Variants in TLK2 observed in about 807,000 individuals in gnomAD.
The protein encoded by TLK2 is serine/threonine-protein kinase tousled-like 2.
Under a neutral mutation model 117.3 loss-of-function variants are expected in TLK2, and 6 were observed. The ratio of observed to expected loss-of-function variants is 0.05; its 90% confidence interval spans 0.03 to 0.10. TLK2 has a LOEUF of 0.10. Ranked by LOEUF, TLK2 falls within the 10% of genes least tolerant of loss-of-function variation. The probability of loss-of-function intolerance (pLI) is 1.00; values close to 1 mark genes in which losing one functional copy is unlikely to be tolerated. For synonymous variants in TLK2, 257 were observed against 316.7 expected (o/e 0.81, Z 2.00); for missense variants, 299 against 901.2 (o/e 0.33, Z 8.56).
rs747837635 is a variant in TLK2, at chr17:62,565,117, T to C, written c.948T>C (p.Tyr316=). ...TTACTGAACAGTGGACAGATGGTTA[T>C]GCTTTTCAGAATCTTATCAAGTAAG... is the stretch of plus-strand genomic sequence containing the variant. ...ASFTEQWTDG[Y]AFQNLIKQQE... The change falls in exon 11 of 22, where the codon TAT becomes TAC. Residue 316 remains tyrosine (Y), a synonymous_variant. Coordinates refer to ENST00000346027, the MANE Select transcript of TLK2 (RefSeq NM_006852.6). 1 of 1,609,320 alleles carries C rather than the reference T, an allele frequency of 6.2e-7. No homozygotes were observed. Among genetic ancestry groups the C allele is most frequent in the South Asian group, 1.1e-5 (1 of 89,558 alleles).
intron 6 of TLK2, among the ~76,000 whole-genome samples, chr17:62,528,899 G>A (rs970731965): frequency 2.0e-5 from 3 of 152,126 alleles, no homozygotes; most frequent in Non-Finnish European, 4.4e-5. Flanking sequence ...TCCAGCAGCT[G>A]GAAACCTACA....
intron 16 of TLK2, among the ~76,000 whole-genome samples, chr17:62,590,825 C>T (rs912242867): frequency 1.3e-5 from 2 of 152,226 alleles, no homozygotes; most frequent in African/African-American, 4.8e-5. Flanking sequence ...ATTTTTCAGT[C>T]AGTTTTGTAA....
chr17:62,596,945 G>A (rs973071991), intron 17 of TLK2, among the ~76,000 whole-genome samples: 1 of 152,206 alleles, frequency 6.6e-6, no homozygotes, highest in African/African-American at 2.4e-5. Context: ...TTTCCGTGGT[G>A]TAGATATTCC....
chr17:62,522,400 G>C (rs1204130212), intron 4 of TLK2, 127 bp downstream of exon 4: 1 of 1,046,428 alleles, frequency 9.6e-7, no homozygotes, highest in Non-Finnish European at 1.4e-6. Context: ...GTATCTTAAG[G>C]GAATATCAGA....
chr17:62,494,330 G>A lies in TLK2; in HGVS notation c.81+13124G>A, dbSNP rs1482944369. Among the ~76,000 whole-genome samples the A allele has an allele frequency of 5.3e-5, 8 of 152,224 alleles. No homozygotes were observed. The East Asian group carries it at 1.4e-3, about 26-fold the overall frequency. On this transcript the variant is annotated intron_variant, in intron 2 of 21. Transcript: ENST00000346027. ...ACTCTTGACCTCAAGTGATCCACCC[G>A]CCTTGGCCTCCGAAAGTGCTGGGAT...
intron 2 of TLK2, among the ~76,000 whole-genome samples, chr17:62,514,176 C>T (rs2075378112): frequency 6.6e-6 from 1 of 151,452 alleles, no homozygotes; most frequent in African/African-American, 2.4e-5. Flanking sequence ...TGGAGTCTCG[C>T]TCTATTGCCC....
intron 11 of TLK2, among the ~76,000 whole-genome samples, chr17:62,569,525 C>A (rs149637140): frequency 0.026 from 3,837 of 148,634 alleles, 82 homozygotes; most frequent in South Asian, 0.057. Context: ...AACCCCTGCC[C>A]CCTGGGTTCA....
At chr17:62,571,188 G>T (rs954528822) in intron 11 of TLK2, among the ~76,000 whole-genome samples, 2 of 152,114 alleles carry the variant, frequency 1.3e-5, no homozygotes, top group Non-Finnish European at 2.9e-5. Flanking sequence ...CCCTTGTGGG[G>T]AATTGGTTCC....
chr17:62,574,306 C>A, intron 12 of TLK2: 10 of 1,534,750 alleles, frequency 6.5e-6, no homozygotes, highest in Non-Finnish European at 8.7e-6. Context: ...CCTTGATGTT[C>A]GTTTAGTAAG....
At chr17:62,562,047 C>A (rs554574894) in intron 10 of TLK2, among the ~76,000 whole-genome samples, 1 of 152,232 alleles carries the variant, frequency 6.6e-6, no homozygotes, top group East Asian at 1.9e-4. Context: ...GTATCTGCTA[C>A]ACCGTGATGC....
chr17:62,515,067 T>A (rs2145367245), intron 2 of TLK2, among the ~76,000 whole-genome samples: 1 of 152,358 alleles, frequency 6.6e-6, no homozygotes, highest in Non-Finnish European at 1.5e-5. Flanking sequence ...CCATTCTACT[T>A]TCTGACTCTA....
chr17:62,515,959 C>T (rs2075548526), intron 2 of TLK2, among the ~76,000 whole-genome samples: 3 of 152,064 alleles, frequency 2.0e-5, no homozygotes, highest in Admixed American at 2.0e-4. Context: ...GATGGAGTCT[C>T]TGTAGCCCAG....
intron 1 of TLK2, among the ~76,000 whole-genome samples, chr17:62,471,425 T>A (rs2070937386): frequency 6.6e-6 from 1 of 152,216 alleles, no homozygotes; most frequent in Non-Finnish European, 1.5e-5. Flanking sequence ...CCCCATAGCC[T>A]TTGAATGCTC....
chr17:62,540,423 T>TTTTTTTTTTTTTTTTTA (rs2077447509), intron 7 of TLK2, among the ~76,000 whole-genome samples: 1 of 129,982 alleles, frequency 7.7e-6, no homozygotes, highest in Non-Finnish European at 1.6e-5. Flanking sequence ...TTTTTTTTTT[T>TTTTTTTTTTTTTTTTTA]GAGACAGAGT....
chr17:62,539,502 C>T (rs2077355256), intron 7 of TLK2, among the ~76,000 whole-genome samples: 1 of 129,474 alleles, frequency 7.7e-6, no homozygotes, highest in Non-Finnish European at 1.6e-5. Context: ...TCAATTGAGA[C>T]AGGGTCTCAC....
intron 21 of TLK2, among the ~76,000 whole-genome samples, chr17:62,610,708 G>T (rs539931404): frequency 6.6e-6 from 1 of 152,178 alleles, no homozygotes; most frequent in Non-Finnish European, 1.5e-5. Flanking sequence ...GGTCCACAGA[G>T]CAAATGGGAA....
chr17:62,560,161 C>G, intron 10 of TLK2, 35 bp downstream of exon 10: 1 of 1,381,190 alleles, frequency 7.2e-7, no homozygotes, highest in Non-Finnish European at 1.0e-6. Context: ...CTCTGTATCC[C>G]AAGATACTCA....
chr17:62,508,692 C>A, intron 2 of TLK2: 1 of 581,010 alleles, frequency 1.7e-6, no homozygotes, highest in Non-Finnish European at 2.2e-6. Context: ...AGGGGCCGGG[C>A]GTGGTGTTTC....
chr17:62,503,081 A>T (rs945172402), intron 2 of TLK2, among the ~76,000 whole-genome samples: 6 of 112,282 alleles, frequency 5.3e-5, no homozygotes, highest in African/African-American at 7.0e-5. Flanking sequence ...TTTTTTTGAG[A>T]CGGAGTCTCG....
Sources: allele counts gnomAD v4.1 joint callset (sites outside exome capture counted in the v4.1 genomes callset), GRCh38; gene constraint gnomAD v4.1.1; transcripts MANE v1.5; gene names NCBI Gene and HGNC (gene_info 2026-07-23, HGNC 2026-07-21).